HPCAL1: variants seen among roughly 807,000 people sequenced by gnomAD.
The protein encoded by HPCAL1 is hippocalcin-like protein 1.
HPCAL1 carries 8 observed loss-of-function variants against 17.1 expected under a neutral mutation model. That is an observed-to-expected ratio of 0.47 (90% CI 0.27 to 0.84). The LOEUF (loss-of-function observed/expected upper bound fraction) is 0.84, where lower values mean the gene tolerates loss of function less well. HPCAL1 is among the 40% of genes least tolerant of loss of function. The pLI is 0.13. For synonymous variants in HPCAL1, 112 were observed against 111.4 expected (o/e 1.01, Z -0.03); for missense variants, 165 against 271.1 (o/e 0.61, Z 2.75).
Position 10,305,868 on chromosome 2 carries a change from C to T in HPCAL1, c.-111+2691C>T, listed in dbSNP as rs896988847. Among the ~76,000 whole-genome samples, 24 of 152,332 alleles carry T rather than the reference C, an allele frequency of 1.6e-4. No individual in the cohort carries two copies. The East Asian group carries it at 4.4e-3, about 28-fold the overall frequency. ...ACGCCCCAGCCAGGCGCCCCATACT[C>T]ACCTAGCACCATTTCACCCTGGAGC... On this transcript the variant is annotated intron_variant, in intron 1 of 4. Coordinates refer to ENST00000307845, the MANE Select transcript of HPCAL1 (RefSeq NM_002149.4).
At chr2:10,350,622 C>T (rs1665784470) in intron 1 of HPCAL1, among the ~76,000 whole-genome samples, 1 of 152,086 alleles carries the variant, frequency 6.6e-6, no homozygotes, top group Non-Finnish European at 1.5e-5. Flanking sequence ...ACCTGTGCCT[C>T]AAAGAATACC....
At position 10,377,830 on chromosome 2, in the gene HPCAL1, G is replaced by C. The variant is rs186147946; in HGVS notation, c.-110-19005G>C. The stretch of plus-strand genomic sequence containing the variant: ...CATCCCCAGGGTGGTGAGCCACCGA[G>C]GGGGGCCAGGCACGGGGGAGGGTAT... On this transcript the variant is annotated intron_variant, in intron 1 of 4. Transcript: ENST00000307845. The surrounding 1 kb of genome is among the most constrained non-coding windows in gnomAD (Gnocchi z 5.9). Among the ~76,000 whole-genome samples the C allele has an allele frequency of 3.1e-3, 477 of 152,338 alleles. 2 individuals are homozygous for C. Among genetic ancestry groups the C allele is most frequent in the Non-Finnish European group, 5.2e-3 (356 of 68,014 alleles).
intron 2 of HPCAL1, among the ~76,000 whole-genome samples, chr2:10,404,318 G>A (rs1383241141): frequency 6.6e-6 from 1 of 152,128 alleles, no homozygotes; most frequent in Non-Finnish European, 1.5e-5. Context: ...TTGCCTCCCA[G>A]CACACTGAGG....
intron 1 of HPCAL1, among the ~76,000 whole-genome samples, chr2:10,348,719 C>T (rs1186953294): frequency 3.9e-5 from 6 of 152,040 alleles, no homozygotes; most frequent in Non-Finnish European, 5.9e-5. Flanking sequence ...TCTGAGGCTG[C>T]AATGGGCTCT....
intron 1 of HPCAL1, among the ~76,000 whole-genome samples, chr2:10,379,463 G>C (rs1011707773): frequency 2.6e-5 from 4 of 152,006 alleles, no homozygotes; most frequent in African/African-American, 9.7e-5. Flanking sequence ...TGGGCTATGA[G>C]CAGGAGCTAT....
chr2:10,390,353 C>T (rs1393829117), intron 1 of HPCAL1, among the ~76,000 whole-genome samples: 1 of 152,128 alleles, frequency 6.6e-6, no homozygotes, highest in Non-Finnish European at 1.5e-5. Context: ...GAAAATGCCT[C>T]TATGAAGAGA....
intron 1 of HPCAL1, among the ~76,000 whole-genome samples, chr2:10,315,893 G>A (rs1572621638): frequency 2.0e-5 from 3 of 152,262 alleles, no homozygotes; most frequent in East Asian, 3.9e-4. Flanking sequence ...TGTAGTGCCA[G>A]CTACTCGGGA....
chr2:10,414,524 C>A (rs1670538589), intron 2 of HPCAL1, among the ~76,000 whole-genome samples: 1 of 152,134 alleles, frequency 6.6e-6, no homozygotes, highest in Non-Finnish European at 1.5e-5. Context: ...TATAAGGACA[C>A]CAGTCATATT....
intron 1 of HPCAL1, among the ~76,000 whole-genome samples, chr2:10,361,626 A>G (rs994120743): frequency 5.9e-5 from 9 of 152,166 alleles, no homozygotes; most frequent in Admixed American, 5.9e-4. Flanking sequence ...TCATAAGGCG[A>G]CTGTTATCTT....
In HPCAL1 at chr2:10,363,399, G is replaced by T. The variant is rs536701701; in HGVS notation, c.-110-33436G>T. On this transcript the variant is annotated intron_variant, in intron 1 of 4. Transcript: ENST00000307845. This position sits in a 1 kb window ranked among gnomAD's most constrained non-coding sequence, Gnocchi z 4.7. ...ACCGTCCAGCACCCCCATTTCTGCT[G>T]CTCTGATAACTTGGATCGACTGAAG... is the stretch of plus-strand genomic sequence containing the variant. Among the ~76,000 whole-genome samples, 6 of 152,206 alleles carry T rather than the reference G, an allele frequency of 3.9e-5. No individual in the cohort carries two copies. The highest frequency in any genetic ancestry group is 8.8e-5 in the Non-Finnish European group (6 of 68,040).
At chr2:10,316,008 A>G (rs1030070786) in intron 1 of HPCAL1, among the ~76,000 whole-genome samples, 1 of 152,138 alleles carries the variant, frequency 6.6e-6, no homozygotes, top group African/African-American at 2.4e-5. Flanking sequence ...CTTGCTCTCA[A>G]AAAAAAACAA....
At chr2:10,341,750 C>T (rs1483590599) in intron 1 of HPCAL1, among the ~76,000 whole-genome samples, 3 of 152,126 alleles carry the variant, frequency 2.0e-5, no homozygotes, top group Admixed American at 6.6e-5. Context: ...CTGGGTCCAA[C>T]GCTTCCCAAG....
intron 1 of HPCAL1, among the ~76,000 whole-genome samples, chr2:10,317,331 C>T (rs1663380622): frequency 6.6e-6 from 1 of 152,104 alleles, no homozygotes; most frequent in African/African-American, 2.4e-5. Flanking sequence ...CCAAAACAGC[C>T]ACAACAACTT....
At chr2:10,401,975 A>G (rs1669641636) in intron 2 of HPCAL1, among the ~76,000 whole-genome samples, 1 of 151,430 alleles carries the variant, frequency 6.6e-6, no homozygotes. Context: ...ATCTCAGCTC[A>G]CTGCAAGCTC....
At chr2:10,329,787 T>C (rs1481343730) in intron 1 of HPCAL1, among the ~76,000 whole-genome samples, 1 of 152,252 alleles carries the variant, frequency 6.6e-6, no homozygotes, top group East Asian at 1.9e-4. Context: ...GGGTTGGGGC[T>C]CCCAGCTGCA....
rs1666373111 is a variant in HPCAL1 at position 10,359,187 on chromosome 2, T to TTC, written c.-110-37647_-110-37646dup. On this transcript the variant is annotated intron_variant, in intron 1 of 4. Coordinates refer to ENST00000307845, the MANE Select transcript of HPCAL1 (RefSeq NM_002149.4). This position sits in a 1 kb window ranked among gnomAD's most constrained non-coding sequence, Gnocchi z 4.1. ...ACCTTTCCCGTTTCACAGCCACAGT[T>TTC]TCCTGCTGTTTTCTGAAATTCCTGG... 2.6e-5 allele frequency among the ~76,000 whole-genome samples: 4 copies of TTC among 152,168 alleles called. No individual in the cohort carries two copies. The South Asian group carries it at 8.3e-4, about 32-fold the overall frequency.
intron 2 of HPCAL1, among the ~76,000 whole-genome samples, chr2:10,403,446 G>C (rs1572830881): frequency 1.4e-5 from 2 of 138,792 alleles, no homozygotes; most frequent in East Asian, 4.4e-4. Flanking sequence ...TCATAACAAA[G>C]AGTTCTTTTG....
At chr2:10,355,847 C>T (rs1181477846) in intron 1 of HPCAL1, among the ~76,000 whole-genome samples, 2 of 151,992 alleles carry the variant, frequency 1.3e-5, no homozygotes, top group East Asian at 1.9e-4. Context: ...ACGCACAGGG[C>T]ATGGCTATGA....
At chr2:10,392,826 A>G (rs1668792169) in intron 1 of HPCAL1, among the ~76,000 whole-genome samples, 1 of 152,160 alleles carries the variant, frequency 6.6e-6, no homozygotes, top group South Asian at 2.1e-4. Flanking sequence ...AGAGGGGCCT[A>G]AGGCCTGACA....
Sources: gnomAD v4.1 joint callset for allele counts (sites outside exome capture counted in the v4.1 genomes callset) on GRCh38, gnomAD v4.1.1 for gene constraint, Gnocchi (gnomAD v3.1) non-coding constraint, MANE v1.5 for transcripts, NCBI Gene and HGNC (gene_info 2026-07-23, HGNC 2026-07-21) for gene names.